BIRC6: variants seen among roughly 807,000 people sequenced by gnomAD.
BIRC6 encodes the protein baculoviral IAP repeat containing 6.
Under a neutral mutation model 503.3 loss-of-function variants are expected in BIRC6, and 98 were observed. The observed-to-expected ratio is 0.19, with a 90% CI of 0.17 to 0.23. BIRC6 has a LOEUF of 0.23. Among genes scored for constraint, BIRC6 ranks in the 10% least tolerant of loss-of-function variants. BIRC6 has a pLI of 1.00. For synonymous variants in BIRC6, 2,240 were observed against 2,078.7 expected, an observed-to-expected ratio of 1.08 and a Z score of -2.11; for missense variants, 5,360 against 5,806.0, an observed-to-expected ratio of 0.92 and a Z score of 2.50.
chr2:32,536,295 A>C (rs2057228815), intron 61 of BIRC6, among the ~76,000 whole-genome samples: 1 of 152,110 alleles, frequency 6.6e-6, no homozygotes, highest in Non-Finnish European at 1.5e-5. Flanking sequence ...TGCTGTGCAG[A>C]AGCTCTTTAG....
At chr2:32,398,544 A>T (rs1215790628) in intron 6 of BIRC6, among the ~76,000 whole-genome samples, 1 of 151,936 alleles carries the variant, frequency 6.6e-6, no homozygotes, top group African/African-American at 2.4e-5. Flanking sequence ...TATTTTTAAA[A>T]TTTTTTTTCA....
chr2:32,604,863 TTC>T (rs1207833147), intron 71 of BIRC6, among the ~76,000 whole-genome samples: 1 of 140,868 alleles, frequency 7.1e-6, no homozygotes, highest in Non-Finnish European at 1.5e-5. Context: ...AGTTATTTTT[TTC>T]TTTTTTCTTT....
chr2:32,536,386 C>G (rs1331347232), intron 61 of BIRC6, among the ~76,000 whole-genome samples: 1 of 152,170 alleles, frequency 6.6e-6, no homozygotes, highest in East Asian at 1.9e-4. Flanking sequence ...TTGCCCATGC[C>G]TATGTCCTGA....
chr2:32,411,560 C>G (rs1354571965), intron 9 of BIRC6, among the ~76,000 whole-genome samples: 1 of 151,774 alleles, frequency 6.6e-6, no homozygotes, highest in Non-Finnish European at 1.5e-5. Context: ...TCAGTGCAAC[C>G]TCTGCCTCCT....
At position 32,510,639 on chromosome 2, in the gene BIRC6, G is replaced by C; in HGVS notation, c.10346+5G>C. The C allele has an allele frequency of 6.5e-7, 1 of 1,546,138 alleles. No individual in the cohort carries two copies. Among genetic ancestry groups the C allele is most frequent in the Non-Finnish European group, 8.9e-7 (1 of 1,120,010 alleles). ...GGATCCTGGTACAAAAGACAGGTACGATTTTATTTTTCATTTAATTAAGCA... is the reference window on the plus strand; with the variant it reads ...GGATCCTGGTACAAAAGACAGGTACCATTTTATTTTTCATTTAATTAAGCA... On this transcript the variant is annotated splice_donor_5th_base_variant and intron_variant, in intron 53 of 73. Coordinates refer to ENST00000421745, the MANE Select transcript of BIRC6 (RefSeq NM_016252.4).
intron 66 of BIRC6, among the ~76,000 whole-genome samples, chr2:32,583,527 C>G (rs1421414607): frequency 6.6e-6 from 1 of 152,100 alleles, no homozygotes; most frequent in Non-Finnish European, 1.5e-5. Context: ...AAAGATTAGG[C>G]CAGTATTTTA....
chr2:32,607,689 C>T, intron 72 of BIRC6, 46 bp downstream of exon 72: 1 of 1,503,436 alleles, frequency 6.7e-7, no homozygotes. Context: ...AGACATTTTA[C>T]AATATAGGCT....
At chr2:32,441,285 G>T in intron 16 of BIRC6, 44 bp from the exon 17 acceptor site, 1 of 1,308,320 alleles carries the variant, frequency 7.6e-7, no homozygotes, top group Non-Finnish European at 1.0e-6. Context: ...ATGATTTTTA[G>T]TTTAGTTTAT....
intron 72 of BIRC6, among the ~76,000 whole-genome samples, chr2:32,610,873 A>G (rs993047187): frequency 6.6e-6 from 1 of 151,302 alleles, no homozygotes; most frequent in African/African-American, 2.4e-5. Context: ...GGTTCAAGCA[A>G]TTGTCCTGCC....
intron 26 of BIRC6, among the ~76,000 whole-genome samples, chr2:32,467,071 A>G (rs1367973357): frequency 6.7e-6 from 1 of 150,372 alleles, no homozygotes; most frequent in Non-Finnish European, 1.5e-5. Context: ...GTGAGCAGAG[A>G]TCGCGCCACT....
rs574340865 is a variant in BIRC6, at chr2:32,533,312, A to G, written c.12291+1761A>G. ...ATGAACTTGGATGTAATGAACTTAC[A>G]TGTAATGAACATGTAATGAACTTGG... is the stretch of plus-strand genomic sequence containing the variant. On this transcript the variant is annotated intron_variant, in intron 61 of 73. Transcript: ENST00000421745. 1.1e-3 allele frequency among the ~76,000 whole-genome samples: 167 copies of G among 152,362 alleles called. 1 individual carries two copies. Among genetic ancestry groups the G allele is most frequent in the African/African-American group, 4.0e-3 (165 of 41,588 alleles).
intron 3 of BIRC6, among the ~76,000 whole-genome samples, chr2:32,388,074 C>T (rs1328590646): frequency 7.9e-5 from 12 of 152,082 alleles, no homozygotes; most frequent in Admixed American, 6.6e-4. Flanking sequence ...AAAATCTATT[C>T]TTTTAGCAAT....
rs904913646 is a variant in BIRC6 at position 32,401,639 on chromosome 2, T to G, written c.1418+16T>G. 1.4e-5 allele frequency: 23 copies of G among 1,599,800 alleles called. No individual in the cohort carries two copies. The highest frequency in any genetic ancestry group is 2.0e-5 in the Non-Finnish European group (23 of 1,173,580). Reference sequence around the variant, plus strand: ...AAGGAGATAGGTATGTGAGTTTGTTTTAGTAGTATTTAATAGATGTTACAT... The same window carrying G: ...AAGGAGATAGGTATGTGAGTTTGTTGTAGTAGTATTTAATAGATGTTACAT... On this transcript the variant is annotated intron_variant, in intron 8 of 73. Transcript: ENST00000421745.
intron 22 of BIRC6, among the ~76,000 whole-genome samples, chr2:32,451,182 T>TA (rs1286993987): frequency 6.6e-6 from 1 of 152,226 alleles, no homozygotes; most frequent in African/African-American, 2.4e-5. Context: ...CCTTTCTCCT[T>TA]AGAGTACTTT....
intron 10 of BIRC6, among the ~76,000 whole-genome samples, chr2:32,426,432 G>T (rs1385096255): frequency 6.6e-6 from 1 of 152,082 alleles, no homozygotes; most frequent in Non-Finnish European, 1.5e-5. Context: ...GCAAAACCCT[G>T]TCTCTACTAA....
At chr2:32,369,585 G>A (rs1025314912) in intron 1 of BIRC6, among the ~76,000 whole-genome samples, 2 of 151,350 alleles carry the variant, frequency 1.3e-5, no homozygotes, top group Non-Finnish European at 2.9e-5. Context: ...ACACCACCAC[G>A]CCCGGCTAAT....
At chr2:32,441,934 C>G in intron 17 of BIRC6, 131 bp from the exon 18 acceptor site, 1 of 609,656 alleles carries the variant, frequency 1.6e-6, no homozygotes, top group African/African-American at 1.9e-5. Flanking sequence ...TGACATATAG[C>G]TATTGATTGT....
At chr2:32,616,240 C>T (rs767505902) in intron 73 of BIRC6, among the ~76,000 whole-genome samples, 2 of 151,862 alleles carry the variant, frequency 1.3e-5, no homozygotes, top group Non-Finnish European at 2.9e-5. Context: ...TTAAAAAGTT[C>T]TAATGATAGG....
chr2:32,519,729 G>A, intron 57 of BIRC6, among the ~76,000 whole-genome samples: 1 of 152,072 alleles, frequency 6.6e-6, no homozygotes, highest in South Asian at 2.1e-4. Flanking sequence ...TGTTGGCCAG[G>A]CTGGTCTCGA....
Sources: gnomAD v4.1 joint callset for allele counts (sites outside exome capture counted in the v4.1 genomes callset) on GRCh38, gnomAD v4.1.1 for gene constraint, MANE v1.5 for transcripts, NCBI Gene and HGNC (gene_info 2026-07-23, HGNC 2026-07-21) for gene names.